Variants in FBXO4 observed in about 807,000 individuals in gnomAD.
FBXO4 encodes F-box only protein 4.
In FBXO4, 36 loss-of-function variants were observed where a neutral mutation model predicts 43.7. The ratio of observed to expected loss-of-function variants is 0.82; its 90% CI spans 0.63 to 1.09. The LOEUF is 1.09. Among genes scored for constraint, FBXO4 ranks in the 50% least tolerant of loss-of-function variants. The pLI is 0.00. For missense variants in FBXO4, 435 were observed against 474.1 expected (o/e 0.92, Z 0.77); for synonymous variants, 180 against 165.6 (o/e 1.09, Z -0.67).
the FBXO4 span, among the ~76,000 whole-genome samples, chr5:41,984,314 A>G: frequency 1.4e-4 from 21 of 152,192 alleles, no homozygotes; most frequent in Non-Finnish European, 2.5e-4. Context: ...TGCAAAGTAA[A>G]ATCTTTCAAA....
the FBXO4 span, among the ~76,000 whole-genome samples, chr5:41,977,452 C>T: frequency 1.3e-5 from 2 of 152,208 alleles, no homozygotes; most frequent in African/African-American, 4.8e-5. Context: ...AACTCTTGAA[C>T]ATTTTGCTGC....
chr5:41,974,243 C>T, the FBXO4 span, among the ~76,000 whole-genome samples: 1 of 152,154 alleles, frequency 6.6e-6, no homozygotes, highest in Non-Finnish European at 1.5e-5. Flanking sequence ...CTTCTTGAAA[C>T]TGTGGTTTGG....
chr5:42,038,449 T>G, the FBXO4 span, among the ~76,000 whole-genome samples: 4 of 152,220 alleles, frequency 2.6e-5, no homozygotes, highest in African/African-American at 9.6e-5. Context: ...TTTTATTTTC[T>G]ATTTTGTTTT....
the FBXO4 span, among the ~76,000 whole-genome samples, chr5:42,010,648 C>T: frequency 6.6e-6 from 1 of 152,102 alleles, no homozygotes; most frequent in Non-Finnish European, 1.5e-5. Context: ...AATAATGGTG[C>T]TATGAACAAG....
downstream of FBXO4, among the ~76,000 whole-genome samples, chr5:41,945,152 A>AT (rs1427967543): frequency 6.6e-6 from 1 of 152,182 alleles, no homozygotes; most frequent in Non-Finnish European, 1.5e-5. Context: ...TGGTAGCAAC[A>AT]TTTTTTTAAA....
intron 3 of FBXO4, among the ~76,000 whole-genome samples, chr5:41,933,592 C>T (rs77288954): frequency 0.024 from 3,602 of 152,078 alleles, 92 homozygotes; most frequent in Non-Finnish European, 0.032. Context: ...GATTATTAGA[C>T]TAATGAGAAA....
chr5:41,930,716 G>A, intron 3 of FBXO4, among the ~76,000 whole-genome samples: 1 of 148,716 alleles, frequency 6.7e-6, no homozygotes, highest in East Asian at 2.0e-4. Flanking sequence ...TGCCCAGGCT[G>A]GAGTGCAGTG....
the FBXO4 span, among the ~76,000 whole-genome samples, chr5:42,034,636 A>T: frequency 6.6e-6 from 1 of 151,912 alleles, no homozygotes; most frequent in Non-Finnish European, 1.5e-5. Flanking sequence ...TTCCCCATTG[A>T]TTGTTTTTGT....
the FBXO4 span, among the ~76,000 whole-genome samples, chr5:41,999,849 C>T: frequency 1.3e-5 from 2 of 151,916 alleles, no homozygotes; most frequent in South Asian, 4.2e-4. Flanking sequence ...CCCCATCCCA[C>T]TGACTCAAAT....
the FBXO4 span, among the ~76,000 whole-genome samples, chr5:42,019,054 T>A: frequency 6.6e-6 from 1 of 152,146 alleles, no homozygotes; most frequent in Non-Finnish European, 1.5e-5. Context: ...TGAGATTAGT[T>A]TAACTGAAGA....
the FBXO4 span, among the ~76,000 whole-genome samples, chr5:42,019,607 G>C: frequency 9.9e-5 from 15 of 151,350 alleles, no homozygotes; most frequent in African/African-American, 3.4e-4. Flanking sequence ...AGAATTGCTT[G>C]AACCCAAGAG....
intron 6 of FBXO4, 66 bp from the exon 7 acceptor site, chr5:41,941,126 C>T (rs1751993055): frequency 4.1e-6 from 5 of 1,205,966 alleles, no homozygotes; most frequent in South Asian, 1.3e-5. Flanking sequence ...AGAAAAATGT[C>T]CCTCCTACTC....
At chr5:41,989,186 G>A in the FBXO4 span, among the ~76,000 whole-genome samples, 5 of 152,226 alleles carry the variant, frequency 3.3e-5, no homozygotes, top group South Asian at 1.0e-3. Flanking sequence ...GTTTGCCTTA[G>A]CAGGGTAGCT....
the FBXO4 span, among the ~76,000 whole-genome samples, chr5:41,999,377 G>T: frequency 1.4e-5 from 2 of 145,476 alleles, no homozygotes; most frequent in Admixed American, 1.4e-4. Flanking sequence ...TAGAGGGACA[G>T]AACTAATGGG....
the FBXO4 span, chr5:41,951,444 GCA>G: frequency 4.2e-6 from 1 of 237,740 alleles, no homozygotes; most frequent in South Asian, 4.9e-5. Context: ...CATGCAACCT[GCA>G]CACCTTCAGG....
At chr5:41,987,793 A>G in the FBXO4 span, among the ~76,000 whole-genome samples, 1 of 152,152 alleles carries the variant, frequency 6.6e-6, no homozygotes, top group African/African-American at 2.4e-5. Flanking sequence ...CTTCATTTCT[A>G]TTACAGTATT....
chr5:41,964,996 C>G, the FBXO4 span, among the ~76,000 whole-genome samples: 4 of 152,088 alleles, frequency 2.6e-5, no homozygotes, highest in Admixed American at 1.3e-4. Context: ...AGGTTTTCTT[C>G]TAGGGTTTTT....
At chr5:41,953,585 A>G in the FBXO4 span, among the ~76,000 whole-genome samples, 1 of 150,374 alleles carries the variant, frequency 6.7e-6, no homozygotes, top group Non-Finnish European at 1.5e-5. Flanking sequence ...GACTTCCACA[A>G]TGGTTGAACT....
chr5:41,999,494 CATATATATATGTGTATATAT>C, the FBXO4 span, among the ~76,000 whole-genome samples: 1 of 86,872 alleles, frequency 1.2e-5, no homozygotes, highest in Non-Finnish European at 2.2e-5. Flanking sequence ...TATATATATA[CATATATATATGTGTATATAT>C]ATATATATAC....
Sources: allele counts gnomAD v4.1 joint callset (sites outside exome capture counted in the v4.1 genomes callset), GRCh38; gene constraint gnomAD v4.1.1; transcripts MANE v1.5; gene names NCBI Gene and HGNC (gene_info 2026-07-23, HGNC 2026-07-21).